The following ARB2A variants were observed in gnomAD, a reference collection of about 807,000 sequenced individuals.
ARB2A encodes the protein cotranscriptional regulator ARB2A.
At chr5:93,651,981 C>A in the ARB2A span, among the ~76,000 whole-genome samples, 2 of 151,838 alleles carry the variant, frequency 1.3e-5, no homozygotes, top group Admixed American at 1.3e-4. Flanking sequence ...AATAAAATAT[C>A]AAAAAATTTA....
chr5:93,873,301 AG>A, the ARB2A span, among the ~76,000 whole-genome samples: 83,292 of 97,158 alleles, frequency 0.86, 36,760 homozygotes, highest in East Asian at 0.98. Context: ...CAAAAAAAAA[AG>A]GGGGGGGGGA....
the ARB2A span, among the ~76,000 whole-genome samples, chr5:93,899,742 G>A: frequency 4.6e-5 from 7 of 152,090 alleles, no homozygotes; most frequent in Non-Finnish European, 7.4e-5. Context: ...ATTATTACTA[G>A]GTTAAACAGA....
At chr5:93,733,883 T>A in the ARB2A span, 34 of 152,194 alleles carry the variant, frequency 2.2e-4, no homozygotes, top group African/African-American at 7.7e-4. Flanking sequence ...TAATCTTGAA[T>A]AGATTTTGCC....
chr5:93,847,834 T>C, the ARB2A span, among the ~76,000 whole-genome samples: 2 of 152,222 alleles, frequency 1.3e-5, no homozygotes, highest in South Asian at 4.1e-4. Flanking sequence ...GATTATAGCA[T>C]GGGAAGTCTG....
At chr5:93,886,157 C>T in the ARB2A span, among the ~76,000 whole-genome samples, 5 of 151,722 alleles carry the variant, frequency 3.3e-5, no homozygotes, top group African/African-American at 1.2e-4. Flanking sequence ...CTACTCATTA[C>T]CAATTATAAG....
At chr5:93,840,000 T>C in the ARB2A span, among the ~76,000 whole-genome samples, 1 of 152,176 alleles carries the variant, frequency 6.6e-6, no homozygotes, top group South Asian at 2.1e-4. Context: ...TGTATGGTTT[T>C]TCATGTCTCA....
the ARB2A span, among the ~76,000 whole-genome samples, chr5:93,853,032 A>C: frequency 6.6e-6 from 1 of 152,182 alleles, no homozygotes; most frequent in Admixed American, 6.5e-5. Flanking sequence ...CATTGGATCT[A>C]TAAATTACCT....
At chr5:93,652,705 A>G in the ARB2A span, among the ~76,000 whole-genome samples, 12 of 152,218 alleles carry the variant, frequency 7.9e-5, no homozygotes, top group African/African-American at 2.7e-4. Context: ...CTGCTGATTT[A>G]AAGTTCTGAT....
the ARB2A span, among the ~76,000 whole-genome samples, chr5:94,034,056 T>C: frequency 5.6e-4 from 86 of 152,344 alleles, no homozygotes; most frequent in African/African-American, 7.2e-5. Context: ...TGATGCAGCA[T>C]GAGGCCCTCA....
chr5:94,001,117 T>A, the ARB2A span, among the ~76,000 whole-genome samples: 2 of 152,088 alleles, frequency 1.3e-5, no homozygotes, highest in Admixed American at 6.6e-5. Flanking sequence ...CAATATTGTG[T>A]TGGCTATTCT....
the ARB2A span, among the ~76,000 whole-genome samples, chr5:93,816,910 T>C: frequency 1.3e-5 from 2 of 152,208 alleles, no homozygotes; most frequent in African/African-American, 4.8e-5. Context: ...ATGTCCATGC[T>C]AGCCACCTTT....
At chr5:93,632,034 T>C in the ARB2A span, among the ~76,000 whole-genome samples, 1 of 152,312 alleles carries the variant, frequency 6.6e-6, no homozygotes, top group Admixed American at 6.5e-5. Flanking sequence ...AATTCGTACA[T>C]GCATTCATTG....
At chr5:94,075,235 AC>A in the ARB2A span, among the ~76,000 whole-genome samples, 1 of 152,076 alleles carries the variant, frequency 6.6e-6, no homozygotes, top group African/African-American at 2.4e-5. Context: ...GGATGCAAAT[AC>A]GTAAATATAT....
the ARB2A span, among the ~76,000 whole-genome samples, chr5:93,913,600 C>A: frequency 1.3e-5 from 2 of 151,878 alleles, no homozygotes; most frequent in African/African-American, 2.4e-5. Flanking sequence ...AAAAAAAAGT[C>A]TAGATTATTT....
the ARB2A span, among the ~76,000 whole-genome samples, chr5:93,695,829 T>C: frequency 6.6e-6 from 1 of 152,152 alleles, no homozygotes; most frequent in Non-Finnish European, 1.5e-5. Flanking sequence ...ATGTGGCACA[T>C]ATACACTATG....
the ARB2A span, among the ~76,000 whole-genome samples, chr5:94,019,721 G>A: frequency 6.6e-6 from 1 of 152,188 alleles, no homozygotes; most frequent in Non-Finnish European, 1.5e-5. Context: ...AAGACAGTGT[G>A]GCAATTCCTC....
chr5:93,993,520 C>A, the ARB2A span, among the ~76,000 whole-genome samples: 1 of 152,230 alleles, frequency 6.6e-6, no homozygotes, highest in Admixed American at 6.5e-5. Flanking sequence ...ATATTCACGT[C>A]ATCCACTATA....
chr5:93,721,239 A>G, the ARB2A span, among the ~76,000 whole-genome samples: 2 of 152,158 alleles, frequency 1.3e-5, no homozygotes, highest in Non-Finnish European at 2.9e-5. Context: ...GCGGCTGGTT[A>G]CAGTAATAGC....
At chr5:93,939,959 T>G in the ARB2A span, among the ~76,000 whole-genome samples, 1 of 152,014 alleles carries the variant, frequency 6.6e-6, no homozygotes, top group African/African-American at 2.4e-5. Context: ...GTATCCGTTT[T>G]TTTTTTAAAC....
Sources: gnomAD v4.1 joint callset for allele counts (sites outside exome capture counted in the v4.1 genomes callset) on GRCh38, gnomAD v4.1.1 for gene constraint, MANE v1.5 for transcripts, NCBI Gene and HGNC (gene_info 2026-07-23, HGNC 2026-07-21) for gene names.